The following EDNRA variants were observed in gnomAD, a reference collection of about 807,000 sequenced individuals.
EDNRA encodes endothelin-1 receptor.
A neutral mutation model predicts 41.4 loss-of-function variants in EDNRA; 11 were observed. The observed-to-expected ratio is 0.27, with a 90% CI of 0.17 to 0.44. The LOEUF is 0.44. Among genes scored for constraint, EDNRA ranks in the 20% least tolerant of loss-of-function variants. The pLI, the probability that EDNRA is intolerant of heterozygous loss-of-function variation, is 1.00. For missense variants in EDNRA, 294 were observed against 531.0 expected (o/e 0.55, Z 4.39); for synonymous variants, 172 against 183.0 (o/e 0.94, Z 0.49).
chr4:147,533,131 A>G (rs1730811392), intron 4 of EDNRA, among the ~76,000 whole-genome samples: 1 of 152,162 alleles, frequency 6.6e-6, no homozygotes, highest in African/African-American at 2.4e-5. Flanking sequence ...CTTGGGGAGA[A>G]GCACATTTCT....
intron 2 of EDNRA, among the ~76,000 whole-genome samples, chr4:147,501,709 G>A (rs920322998): frequency 1.3e-5 from 2 of 152,152 alleles, no homozygotes; most frequent in African/African-American, 4.8e-5. Context: ...ATGAAAAGCT[G>A]CCTCATTTTT....
chr4:147,518,715 C>T (rs1171268309), intron 2 of EDNRA, among the ~76,000 whole-genome samples: 2 of 151,578 alleles, frequency 1.3e-5, no homozygotes, highest in Non-Finnish European at 2.9e-5. Flanking sequence ...AAATTCAAAG[C>T]TTAGCTTAGA....
intron 2 of EDNRA, chr4:147,490,362 G>A (rs561331233): frequency 6.6e-6 from 1 of 152,256 alleles, no homozygotes; most frequent in South Asian, 2.1e-4. Flanking sequence ...CTGATTTTTA[G>A]TTGTTCAAAA....
chr4:147,497,739 T>C (rs1026864867), intron 2 of EDNRA, among the ~76,000 whole-genome samples: 2 of 152,056 alleles, frequency 1.3e-5, no homozygotes, highest in Non-Finnish European at 2.9e-5. Flanking sequence ...GCCTGGCTAA[T>C]TTATTTGTAT....
chr4:147,504,927 C>A (rs1410400234), intron 2 of EDNRA, among the ~76,000 whole-genome samples: 2 of 114,786 alleles, frequency 1.7e-5, no homozygotes, highest in Non-Finnish European at 3.3e-5. Context: ...CACTGCATAC[C>A]AGCCTGGGCA....
At position 147,542,833 on chromosome 4, in the gene EDNRA, T is replaced by C. The variant is rs1731156602; in HGVS notation, c.*215T>C. The C allele has an allele frequency of 1.9e-6, 1 of 532,498 alleles. No individual in the cohort carries two copies. Among genetic ancestry groups the C allele is most frequent in the Admixed American group, 3.6e-5 (1 of 27,884 alleles). The allele number at this position is 532,498 out of a possible 1,614,324, so 33.0% of individuals were successfully genotyped here. A position where few individuals can be genotyped will look rare whatever the true frequency, so the allele number is the denominator to read the frequency against. On this transcript the variant is annotated 3_prime_UTR_variant, in exon 8 of 8. Coordinates refer to ENST00000651419, the MANE Select transcript of EDNRA (RefSeq NM_001957.4). ...TCTTTAATTGATCTAATTTACATAT[T>C]CTGCGTGTTGTATTCAGCACTAAAA...
chr4:147,510,946 T>C (rs1026318898), intron 2 of EDNRA, among the ~76,000 whole-genome samples: 1 of 152,228 alleles, frequency 6.6e-6, no homozygotes, highest in Non-Finnish European at 1.5e-5. Context: ...ATGAAAATAA[T>C]GTACAATTTC....
Position 147,540,375 on chromosome 4 carries a change from AG to A in EDNRA, c.1035-1del. ...ATTCTACACCATTTTCTTTTGCTCT[AG>A]TTTCTTACTGCTCATGGATTACATC... On this transcript the variant is annotated splice_acceptor_variant, in intron 6 of 7. Transcript: ENST00000651419. LOFTEE classifies it high-confidence loss of function. 2 of 1,599,584 alleles carry A rather than the reference AG, an allele frequency of 1.3e-6. No homozygotes were observed. The highest frequency in any genetic ancestry group is 1.7e-6 in the Non-Finnish European group (2 of 1,169,384).
At chr4:147,492,043 T>G (rs774194989) in intron 2 of EDNRA, 3 of 152,376 alleles carry the variant, frequency 2.0e-5, no homozygotes, top group Non-Finnish European at 4.4e-5. Context: ...TATTTTTTCC[T>G]CAGGCCTTCT....
At chr4:147,524,716 A>G (rs1049392663) in intron 3 of EDNRA, among the ~76,000 whole-genome samples, 5 of 152,152 alleles carry the variant, frequency 3.3e-5, no homozygotes, top group African/African-American at 1.2e-4. Context: ...CACACACTTT[A>G]CTATTTTTAC....
chr4:147,537,608 G>GGAAC (rs1163970794), intron 5 of EDNRA, among the ~76,000 whole-genome samples: 2 of 121,334 alleles, frequency 1.6e-5, no homozygotes, highest in Non-Finnish European at 3.3e-5. Context: ...TTTAATTGTG[G>GGAAC]AAAGAAATAA....
chr4:147,531,480 T>G (rs1270760897), intron 3 of EDNRA, among the ~76,000 whole-genome samples: 1 of 152,248 alleles, frequency 6.6e-6, no homozygotes, highest in Non-Finnish European at 1.5e-5. Flanking sequence ...TAGATAATGC[T>G]TTAAGGTTTC....
intron 3 of EDNRA, among the ~76,000 whole-genome samples, chr4:147,523,439 G>A (rs1200224227): frequency 6.6e-6 from 1 of 151,892 alleles, no homozygotes; most frequent in Non-Finnish European, 1.5e-5. Flanking sequence ...CTGCTACAGA[G>A]AGTCTGTTTT....
rs531520688 is a variant in EDNRA, at chr4:147,527,564, A to G, written c.549-4942A>G. Among the ~76,000 whole-genome samples the G allele has an allele frequency of 8.5e-5, 13 of 152,246 alleles. 1 individual carries two copies. In the South Asian group the frequency reaches 2.7e-3, roughly 32 times the overall value. On this transcript the variant is annotated intron_variant, in intron 3 of 7. Transcript: ENST00000651419. ...GATTTTGTTGAAGTGGTATCTTTTT[A>G]ATTTGTTTTATTTTATAATGTTTTA...
In EDNRA at chr4:147,532,631, T is replaced by C; in HGVS notation, c.674T>C (p.Val225Ala). ...GCCATTCCTGAAGCGATTGGCTTCG[T>C]CATGGTACCCTTTGAATATAGGGGT... ...ILAIPEAIGF[V>A]MVPFEYRGEQ... The change falls in exon 4 of 8, where the codon GTC becomes GCC. Residue 225 changes from valine (V) to alanine (A), a missense_variant. Transcript: ENST00000651419. 1 of 1,614,152 alleles carries C rather than the reference T, an allele frequency of 6.2e-7. No individual in the cohort carries two copies. Among genetic ancestry groups the C allele is most frequent in the Non-Finnish European group, 8.5e-7 (1 of 1,180,020 alleles).
rs200450644 is a variant in EDNRA, at chr4:147,543,855, A to G, written c.*1237A>G. On this transcript the variant is annotated 3_prime_UTR_variant, in exon 8 of 8. Transcript: ENST00000651419. ...TTCTTCACTTCTTGGGGTTTTCAGT[A>G]TGAACCTAACTCCCCACCCCAACAT... The G allele has an allele frequency of 7.2e-5, 11 of 152,580 alleles. No individual in the cohort carries two copies. 9.5% of individuals were successfully genotyped at this position (152,580 alleles called of 1,614,324 possible).
At chr4:147,521,157 C>T (rs1024408834) in intron 3 of EDNRA, among the ~76,000 whole-genome samples, 3 of 151,738 alleles carry the variant, frequency 2.0e-5, no homozygotes, top group Admixed American at 6.6e-5. Context: ...ATTCAGGAGG[C>T]TAAGGTGGGA....
At chr4:147,542,418 G>C in intron 7 of EDNRA, 60 bp from the exon 8 acceptor site, 1 of 1,609,056 alleles carries the variant, frequency 6.2e-7, no homozygotes, top group Non-Finnish European at 8.5e-7. Flanking sequence ...CAGGGCCGCT[G>C]TGTTTGGCCG....
intron 2 of EDNRA, chr4:147,495,527 A>G (rs756738582): frequency 3.9e-5 from 6 of 152,216 alleles, no homozygotes; most frequent in Non-Finnish European, 7.3e-5. Context: ...TGTGTAGCCT[A>G]TGTTCATTGT....
Sources: allele counts gnomAD v4.1 joint callset (sites outside exome capture counted in the v4.1 genomes callset), GRCh38; gene constraint gnomAD v4.1.1; transcripts MANE v1.5; gene names NCBI Gene and HGNC (gene_info 2026-07-23, HGNC 2026-07-21).